Variants in SPATS2L observed in about 807,000 individuals in gnomAD.
The protein encoded by SPATS2L is SPATS2-like protein.
Under a neutral mutation model 59.6 loss-of-function variants are expected in SPATS2L, and 30 were observed. That is an observed-to-expected ratio of 0.50 (90% CI 0.38 to 0.68). The LOEUF (loss-of-function observed/expected upper bound fraction) is 0.68, where lower values mean the gene tolerates loss of function less well. Among genes scored for constraint, SPATS2L ranks in the 30% least tolerant of loss-of-function variants. The pLI is 0.00. For synonymous variants in SPATS2L, 252 were observed against 263.5 expected (o/e 0.96, Z 0.42); for missense variants, 615 against 700.0 (o/e 0.88, Z 1.37).
chr2:200,381,484 A>G (rs966634108), intron 2 of SPATS2L, among the ~76,000 whole-genome samples: 3 of 152,172 alleles, frequency 2.0e-5, no homozygotes, highest in African/African-American at 7.2e-5. Flanking sequence ...AACTCTCCCT[A>G]TCGAAGGGTA....
intron 6 of SPATS2L, among the ~76,000 whole-genome samples, chr2:200,436,054 C>A (rs1261069771): frequency 1.3e-5 from 2 of 152,116 alleles, no homozygotes; most frequent in South Asian, 2.1e-4. Context: ...TTCCAGTGTT[C>A]AACAGCCACA....
chr2:200,368,154 A>G (rs2081321467), intron 2 of SPATS2L, among the ~76,000 whole-genome samples: 2 of 152,164 alleles, frequency 1.3e-5, no homozygotes, highest in South Asian at 4.1e-4. Context: ...CTTCTCAGGG[A>G]GGCAGAGGTG....
At chr2:200,348,165 A>G (rs1266265975) in intron 2 of SPATS2L, among the ~76,000 whole-genome samples, 1 of 152,228 alleles carries the variant, frequency 6.6e-6, no homozygotes, top group Non-Finnish European at 1.5e-5. Context: ...TAAAATAGTA[A>G]TGTCAGCAGG....
chr2:200,459,822 A>C lies in SPATS2L; in HGVS notation c.842A>C (p.Glu281Ala), dbSNP rs200898346. 4 of 1,609,794 alleles carry C rather than the reference A, an allele frequency of 2.5e-6. No individual in the cohort carries two copies. The highest frequency in any genetic ancestry group is 2.7e-5 in the African/African-American group (2 of 74,974). ...LMAEMDKVKE[E>A]AMEILTARQK... ...GCAGAAATGGATAAAGTTAAAGAAG[A>C]AGCCAGTAAGTAGACAACACATGGT... Residue 281 changes from glutamate (E) to alanine (A), a missense_variant, in exon 9 of 13, where the codon GAA becomes GCA. Transcript: ENST00000409140.
At chr2:200,368,590 A>T (rs1398899865) in intron 2 of SPATS2L, among the ~76,000 whole-genome samples, 1 of 152,210 alleles carries the variant, frequency 6.6e-6, no homozygotes, top group East Asian at 1.9e-4. Flanking sequence ...TGATAAATAC[A>T]TGTTGAGTGT....
intron 2 of SPATS2L, among the ~76,000 whole-genome samples, chr2:200,374,486 TTCTTATTTC>T (rs2081534438): frequency 6.6e-6 from 1 of 152,152 alleles, no homozygotes; most frequent in South Asian, 2.1e-4. Flanking sequence ...TTTTGTTACA[TTCTTATTTC>T]TCTTGGTTTT....
chr2:200,318,407 C>T lies in SPATS2L; in HGVS notation c.-72-11024C>T, dbSNP rs115748501. Reference sequence around the variant, plus strand: ...TTTAGTGCCATATCAAAATCATGAACACTCAAGGAGACCATGTAAATCTAC... The same window carrying T: ...TTTAGTGCCATATCAAAATCATGAATACTCAAGGAGACCATGTAAATCTAC... On this transcript the variant is annotated intron_variant, in intron 1 of 12. Transcript: ENST00000409140. Among the ~76,000 whole-genome samples the T allele has an allele frequency of 3.6e-3, 543 of 152,216 alleles. 5 individuals are homozygous for T. The highest frequency in any genetic ancestry group is 0.013 in the African/African-American group (523 of 41,518).
In SPATS2L at chr2:200,482,087, A is replaced by C. The variant is rs1413417663; in HGVS notation, c.*4056A>C. 6.6e-6 allele frequency: 1 copy of C among 152,228 alleles called. No homozygotes were observed. Among genetic ancestry groups the C allele is most frequent in the East Asian group, 1.9e-4 (1 of 5,202 alleles). 9.4% of individuals were successfully genotyped at this position (152,228 alleles called of 1,614,324 possible). The stretch of plus-strand genomic sequence containing the variant: ...ATACATTGTTCCAGCATTTCCTTGA[A>C]AGTACTGAGCCATCTCAATTGCTCT... On this transcript the variant is annotated 3_prime_UTR_variant, in exon 13 of 13. Transcript: ENST00000409140.
intron 2 of SPATS2L, among the ~76,000 whole-genome samples, chr2:200,361,099 C>A: frequency 7.0e-6 from 1 of 143,584 alleles, no homozygotes; most frequent in South Asian, 2.3e-4. Context: ...ACACACACAT[C>A]CCTACACAGA....
chr2:200,471,667 C>T (rs2087049214), intron 11 of SPATS2L, among the ~76,000 whole-genome samples: 1 of 152,168 alleles, frequency 6.6e-6, no homozygotes, highest in Non-Finnish European at 1.5e-5. Flanking sequence ...GAAACTGAAT[C>T]TGGTGAGCAT....
At chr2:200,326,125 A>G (rs1391757633) in intron 1 of SPATS2L, among the ~76,000 whole-genome samples, 1 of 152,198 alleles carries the variant, frequency 6.6e-6, no homozygotes, top group Non-Finnish European at 1.5e-5. Flanking sequence ...GTCTGATTCC[A>G]GAGCCTTTTC....
At chr2:200,440,873 A>C in intron 8 of SPATS2L, 89 bp downstream of exon 8, 1 of 1,452,110 alleles carries the variant, frequency 6.9e-7, no homozygotes, top group Non-Finnish European at 9.4e-7. Context: ...TTGTTTATTT[A>C]ATACATAAAC....
At chr2:200,404,133 C>A (rs963231040) in intron 3 of SPATS2L, among the ~76,000 whole-genome samples, 13 of 152,190 alleles carry the variant, frequency 8.5e-5, no homozygotes, top group Non-Finnish European at 1.9e-4. Flanking sequence ...TCTTCTAATT[C>A]TTTCTCACTG....
At chr2:200,350,270 G>C (rs2080676545) in intron 2 of SPATS2L, among the ~76,000 whole-genome samples, 1 of 152,100 alleles carries the variant, frequency 6.6e-6, no homozygotes, top group Admixed American at 6.5e-5. Flanking sequence ...GCTGAATCAA[G>C]TTCCTACTCT....
chr2:200,356,422 G>C (rs142811805), intron 2 of SPATS2L, among the ~76,000 whole-genome samples: 1 of 152,136 alleles, frequency 6.6e-6, no homozygotes, highest in East Asian at 1.9e-4. Context: ...TTTACATAAA[G>C]CCAGAAGTAA....
In SPATS2L at chr2:200,425,334, AAAAG is replaced by A. The variant is rs1420056646; in HGVS notation, c.445+5843_445+5846del. 8.5e-5 allele frequency among the ~76,000 whole-genome samples: 13 copies of A among 152,284 alleles called. No individual in the cohort carries two copies. The South Asian group carries it at 2.7e-3, about 32-fold the overall frequency. ...GACAGAGGATTAGCAAAGATCAACA[AAAAG>A]AAAGCAGCCAGCTTAGAACTTTAAT... On this transcript the variant is annotated intron_variant, in intron 6 of 12. Coordinates refer to ENST00000409140, the MANE Select transcript of SPATS2L (RefSeq NM_001100423.2).
intron 2 of SPATS2L, among the ~76,000 whole-genome samples, chr2:200,379,639 T>G (rs954953870): frequency 5.9e-5 from 9 of 152,036 alleles, no homozygotes; most frequent in African/African-American, 2.2e-4. Flanking sequence ...AGAACTATGT[T>G]TGATCTTTTG....
At chr2:200,395,059 T>C (rs1243934151) in intron 3 of SPATS2L, among the ~76,000 whole-genome samples, 1 of 152,230 alleles carries the variant, frequency 6.6e-6, no homozygotes, top group Non-Finnish European at 1.5e-5. Flanking sequence ...CTAAATAATG[T>C]ATTTTTAAAG....
At chr2:200,387,973 C>T (rs184386311) in intron 2 of SPATS2L, among the ~76,000 whole-genome samples, 13 of 152,218 alleles carry the variant, frequency 8.5e-5, no homozygotes, top group Admixed American at 8.5e-4. Context: ...CAGATCTTCT[C>T]AGAGGGGGCC....
Sources: gnomAD v4.1 joint callset for allele counts (sites outside exome capture counted in the v4.1 genomes callset) on GRCh38, gnomAD v4.1.1 for gene constraint, MANE v1.5 for transcripts, NCBI Gene and HGNC (gene_info 2026-07-23, HGNC 2026-07-21) for gene names.